Variants in DPF3 observed in about 807,000 individuals in gnomAD.
DPF3 encodes double PHD fingers 3.
Under a neutral mutation model 56.8 loss-of-function variants are expected in DPF3, and 18 were observed. The observed-to-expected ratio is 0.32, with a 90% CI of 0.22 to 0.47. The LOEUF is 0.47. Ranked by LOEUF, DPF3 falls within the 20% of genes least tolerant of loss-of-function variation. The pLI is 1.00. For synonymous variants in DPF3, 188 were observed against 180.2 expected (o/e 1.04, Z -0.35); for missense variants, 403 against 488.8 (o/e 0.82, Z 1.65).
chr14:72,752,053 CGTAACCCTGGAACTGTAG>C (rs1297829099), intron 3 of DPF3, among the ~76,000 whole-genome samples: 5 of 152,142 alleles, frequency 3.3e-5, no homozygotes, highest in Non-Finnish European at 5.9e-5. Flanking sequence ...TCAAAGCAGT[CGTAACCCTGGAACTGTAG>C]GTAGAGCTTT....
chr14:72,835,096 C>A (rs202075571), intron 1 of DPF3, among the ~76,000 whole-genome samples: 10 of 38,054 alleles, frequency 2.6e-4, no homozygotes, highest in Non-Finnish European at 4.5e-4. Flanking sequence ...TTTCTTTTTT[C>A]TTTTTCTGTC....
intron 6 of DPF3, among the ~76,000 whole-genome samples, chr14:72,704,010 C>A (rs1599370751): frequency 6.6e-6 from 1 of 152,326 alleles, no homozygotes; most frequent in Non-Finnish European, 1.5e-5. Flanking sequence ...TCTCATTGAA[C>A]CCTCTTGGAA....
At position 72,620,015 on chromosome 14, in the gene DPF3, G is replaced by A. The variant is rs1313884793; in HGVS notation, c.985-31C>T. On this transcript the variant is annotated intron_variant, in intron 9 of 10. Coordinates refer to ENST00000556509, the MANE Select transcript of DPF3 (RefSeq NM_001280542.3). Reference sequence around the variant, plus strand: ...GGAACACAGAGTAAGCACAGAGGAGGAGAGATTCCATTATTCGGGGCCAAT... The same window carrying A: ...GGAACACAGAGTAAGCACAGAGGAGAAGAGATTCCATTATTCGGGGCCAAT... 1.3e-5 allele frequency: 20 copies of A among 1,510,046 alleles called. No homozygotes were observed. The Admixed American group carries it at 3.4e-4, about 26-fold the overall frequency. 93.5% of individuals were successfully genotyped at this position (1,510,046 alleles called of 1,614,324 possible).
At chr14:72,820,807 C>A (rs1325789681) in intron 1 of DPF3, among the ~76,000 whole-genome samples, 1 of 152,006 alleles carries the variant, frequency 6.6e-6, no homozygotes, top group Non-Finnish European at 1.5e-5. Flanking sequence ...CCAGCCTGGG[C>A]AACATGATGA....
At chr14:72,892,782 T>A in intron 1 of DPF3, 1 of 823,990 alleles carries the variant, frequency 1.2e-6, no homozygotes, top group Non-Finnish European at 1.5e-6. Flanking sequence ...GAAGTCCCGG[T>A]CGAAGGGGTG....
intron 3 of DPF3, among the ~76,000 whole-genome samples, chr14:72,746,482 G>A (rs1282052207): frequency 6.6e-6 from 1 of 152,170 alleles, no homozygotes; most frequent in Non-Finnish European, 1.5e-5. Context: ...GGTTGTTTCT[G>A]TGTTTTTAGC....
At chr14:72,793,169 G>A (rs1042121890) in intron 1 of DPF3, among the ~76,000 whole-genome samples, 3 of 152,252 alleles carry the variant, frequency 2.0e-5, no homozygotes, top group Middle Eastern at 3.4e-3. Context: ...GATCACTACC[G>A]CAAATGAAGT....
intron 3 of DPF3, among the ~76,000 whole-genome samples, chr14:72,741,432 T>C (rs1890117238): frequency 1.3e-5 from 2 of 152,232 alleles, no homozygotes; most frequent in South Asian, 4.1e-4. Flanking sequence ...CCTGTCCTCC[T>C]GCAGAGCAAG....
chr14:72,849,072 C>T (rs1884869856), intron 1 of DPF3, among the ~76,000 whole-genome samples: 1 of 152,238 alleles, frequency 6.6e-6, no homozygotes, highest in South Asian at 2.1e-4. Context: ...GCCCTAGCTG[C>T]ATGGCTCGTT....
At chr14:72,793,507 A>G (rs747045309) in intron 1 of DPF3, among the ~76,000 whole-genome samples, 5 of 152,238 alleles carry the variant, frequency 3.3e-5, no homozygotes, top group Non-Finnish European at 7.3e-5. Flanking sequence ...CCAAGGCCAT[A>G]TGGGCTCCCC....
chr14:72,657,942 C>T (rs1296532822), intron 8 of DPF3, among the ~76,000 whole-genome samples: 1 of 152,168 alleles, frequency 6.6e-6, no homozygotes, highest in Non-Finnish European at 1.5e-5. Context: ...GAATAACCTC[C>T]TCTCCAACCC....
rs1205285757 is a variant in DPF3 at position 72,615,246 on chromosome 14, C to G, written c.*4051G>C. Among the ~76,000 whole-genome samples the G allele has an allele frequency of 6.6e-6, 1 of 152,168 alleles. No homozygotes were observed. Among genetic ancestry groups the G allele is most frequent in the Admixed American group, 6.5e-5 (1 of 15,286 alleles). ...CTGGGCCACGGGCGGCGCAACACCCCCTACCTCCTCACACACAGACCCAAA... is the reference window on the plus strand; with the variant it reads ...CTGGGCCACGGGCGGCGCAACACCCGCTACCTCCTCACACACAGACCCAAA... On this transcript the variant is annotated 3_prime_UTR_variant, in exon 11 of 11. Transcript: ENST00000556509.
intron 1 of DPF3, among the ~76,000 whole-genome samples, chr14:72,861,113 CTG>C (rs1261678266): frequency 1.3e-5 from 2 of 151,954 alleles, no homozygotes; most frequent in Non-Finnish European, 2.9e-5. Flanking sequence ...TATGCTCCAT[CTG>C]TCTGCCTGCC....
At chr14:72,756,861 A>AAAGG (rs1400008420) in intron 2 of DPF3, among the ~76,000 whole-genome samples, 2 of 124,820 alleles carry the variant, frequency 1.6e-5, no homozygotes, top group Admixed American at 1.6e-4. Flanking sequence ...AGAAAGAAAG[A>AAAGG]AAGAAAGAAA....
chr14:72,613,026 GTGTGTA>G lies in DPF3; in HGVS notation c.*6265_*6270del, dbSNP rs1440963698. 1.3e-4 allele frequency among the ~76,000 whole-genome samples: 18 copies of G among 137,574 alleles called. No homozygotes were observed. Among genetic ancestry groups the G allele is most frequent in the African/African-American group, 3.8e-4 (15 of 39,978 alleles). The allele number at this position is 137,574 out of a possible 152,430, so 90.3% of individuals were successfully genotyped here. On this transcript the variant is annotated 3_prime_UTR_variant, in exon 11 of 11. Transcript: ENST00000556509. Reference sequence around the variant, plus strand: ...TGTGTGTGTGTGTGTGTGTGTGTGTGTGTGTATGTGCGTGCGTGCACGCACGCGCAT... The same window carrying G: ...TGTGTGTGTGTGTGTGTGTGTGTGTGTGTGCGTGCGTGCACGCACGCGCAT...
At chr14:72,682,779 C>T (rs550211772) in intron 7 of DPF3, among the ~76,000 whole-genome samples, 13 of 152,284 alleles carry the variant, frequency 8.5e-5, no homozygotes, top group Admixed American at 5.9e-4. Flanking sequence ...CACGCAGGGG[C>T]GCACTCCAAA....
intron 1 of DPF3, among the ~76,000 whole-genome samples, chr14:72,883,926 C>CAAAA (rs5809597): frequency 8.2e-6 from 1 of 121,696 alleles, no homozygotes; most frequent in Non-Finnish European, 1.7e-5. Flanking sequence ...GACTCTGTCT[C>CAAAA]AAAAAAAAAA....
intron 1 of DPF3, among the ~76,000 whole-genome samples, chr14:72,780,978 A>C (rs1333266877): frequency 6.6e-6 from 1 of 152,210 alleles, no homozygotes; most frequent in Non-Finnish European, 1.5e-5. Context: ...CTGATTCTAG[A>C]GGCTTGGGAT....
chr14:72,836,913 A>C (rs1884319805), intron 1 of DPF3, among the ~76,000 whole-genome samples: 1 of 152,116 alleles, frequency 6.6e-6, no homozygotes, highest in Non-Finnish European at 1.5e-5. Flanking sequence ...TCTGTGGCCC[A>C]CACTGGAGTG....
Sources: allele counts gnomAD v4.1 joint callset (sites outside exome capture counted in the v4.1 genomes callset), GRCh38; gene constraint gnomAD v4.1.1; transcripts MANE v1.5; gene names NCBI Gene and HGNC (gene_info 2026-07-23, HGNC 2026-07-21).